Variants in WDFY4 observed in about 807,000 individuals in gnomAD.
WDFY4 encodes the protein WD repeat- and FYVE domain-containing protein 4.
In WDFY4, 169 loss-of-function variants were observed where a neutral mutation model predicts 351.9. The ratio of observed to expected loss-of-function variants is 0.48; its 90% confidence interval spans 0.42 to 0.55. The LOEUF (loss-of-function observed/expected upper bound fraction) is 0.55, where lower values mean the gene tolerates loss of function less well. Among genes scored for constraint, WDFY4 ranks in the 20% least tolerant of loss-of-function variants. The pLI is 0.00. For missense variants in WDFY4, 3,803 were observed against 3,935.6 expected, an observed-to-expected ratio of 0.97 and a Z score of 0.90; for synonymous variants, 1,622 against 1,574.6, an observed-to-expected ratio of 1.03 and a Z score of -0.71.
intron 1 of WDFY4, among the ~76,000 whole-genome samples, chr10:48,686,649 GT>G: frequency 6.6e-6 from 1 of 152,270 alleles, no homozygotes; most frequent in South Asian, 2.1e-4. Flanking sequence ...TCAAAAGTTT[GT>G]TTCTGAAATT....
intron 43 of WDFY4, among the ~76,000 whole-genome samples, chr10:48,881,204 G>T (rs1454399340): frequency 1.3e-5 from 2 of 152,206 alleles, no homozygotes; most frequent in Admixed American, 6.5e-5. Context: ...CATAGGATTT[G>T]TTCTCACTCT....
intron 5 of WDFY4, among the ~76,000 whole-genome samples, chr10:48,724,030 C>A (rs1236981293): frequency 1.3e-5 from 2 of 152,124 alleles, no homozygotes; most frequent in Non-Finnish European, 2.9e-5. Context: ...GCATCAAATG[C>A]AATTTCCTTC....
Position 48,709,799 on chromosome 10 carries a change from C to A in WDFY4, c.67C>A (p.Gln23Lys). 2 of 1,551,910 alleles carry A rather than the reference C, an allele frequency of 1.3e-6. No homozygotes were observed. Among genetic ancestry groups the A allele is most frequent in the Non-Finnish European group, 1.7e-6 (2 of 1,147,032 alleles). Residue 23 changes from glutamine (Q) to lysine (K), a missense_variant, in exon 2 of 62, where the codon CAG becomes AAG. Around this residue, in one of 3 missense-constraint regions of WDFY4, gnomAD observed 488 missense variants for 456.8 expected, o/e 1.07. Transcript: ENST00000325239. ...NEDPGSKNEG[Q>K]LAAVQPDVPH... ...AGACCCAGGTTCCAAAAATGAAGGG[C>A]AGCTTGCTGCTGTGCAGCCTGATGT...
chr10:48,788,273 C>T (rs950613920), intron 20 of WDFY4, among the ~76,000 whole-genome samples: 1 of 152,144 alleles, frequency 6.6e-6, no homozygotes, highest in African/African-American at 2.4e-5. Context: ...AAGTGATCTG[C>T]CTGTCTTGGC....
intron 47 of WDFY4, among the ~76,000 whole-genome samples, chr10:48,926,613 C>T (rs2133637562): frequency 6.6e-6 from 1 of 152,336 alleles, no homozygotes; most frequent in Middle Eastern, 3.4e-3. Flanking sequence ...CCATTGTCTG[C>T]TCACTCCACT....
chr10:48,901,817 C>A lies in WDFY4; in HGVS notation c.7540C>A (p.Pro2514Thr), dbSNP rs1837367091. The A allele has an allele frequency of 1.3e-6, 2 of 1,551,596 alleles. No homozygotes were observed. The highest frequency in any genetic ancestry group is 1.2e-5 in the South Asian group (1 of 84,050). Residue 2514 changes from proline (P) to threonine (T), a missense_variant, in exon 47 of 62, where the codon CCC becomes ACC. By Grantham distance (38) the Pro-to-Thr change is conservative. This residue lies in a region of WDFY4 where 3,054 missense variants were observed against 3,148.6 expected (regional missense o/e 0.97). Transcript: ENST00000325239. ...TTCATGTAGCTTCTGCTCTTTCCAA[C>A]CCAGCCTGAAGGGGAAAGCCACCTC... Reference protein sequence around the residue: ...KAFKSFCSFQPSLKGKATSED... With the variant: ...KAFKSFCSFQTSLKGKATSED...
At chr10:48,832,745 G>C (rs1027345175) in intron 39 of WDFY4, 36 bp downstream of exon 39, 1 of 1,492,220 alleles carries the variant, frequency 6.7e-7, no homozygotes, top group Non-Finnish European at 9.0e-7. Flanking sequence ...AAAAGTATCA[G>C]GCATTTGCTT....
chr10:48,754,313 T>C (rs1228638513), intron 12 of WDFY4, among the ~76,000 whole-genome samples: 1 of 151,680 alleles, frequency 6.6e-6, no homozygotes, highest in Non-Finnish European at 1.5e-5. Context: ...TCCTGGAATA[T>C]GCCAGACATA....
chr10:48,920,534 A>T (rs2133579064), intron 47 of WDFY4, among the ~76,000 whole-genome samples: 1 of 152,368 alleles, frequency 6.6e-6, no homozygotes, highest in South Asian at 2.1e-4. Flanking sequence ...AATTGAAAAA[A>T]AAGAAAAAAA....
intron 13 of WDFY4, among the ~76,000 whole-genome samples, chr10:48,772,343 C>G (rs563106956): frequency 1.3e-5 from 2 of 151,968 alleles, no homozygotes; most frequent in East Asian, 3.9e-4. Flanking sequence ...TGCACACAGG[C>G]ATGTATGGTG....
intron 23 of WDFY4, among the ~76,000 whole-genome samples, chr10:48,795,829 A>C (rs1167838140): frequency 1.3e-5 from 2 of 152,086 alleles, no homozygotes; most frequent in African/African-American, 4.8e-5. Context: ...CTGGGTCACC[A>C]AATGTATGCT....
chr10:48,862,542 G>T (rs2069380228), intron 39 of WDFY4, among the ~76,000 whole-genome samples: 1 of 152,096 alleles, frequency 6.6e-6, no homozygotes, highest in African/African-American at 2.4e-5. Context: ...CCTCAGATGG[G>T]ACCATATAGT....
intron 11 of WDFY4, among the ~76,000 whole-genome samples, chr10:48,740,231 G>A (rs2064809146): frequency 6.6e-6 from 1 of 152,210 alleles, no homozygotes; most frequent in Admixed American, 6.5e-5. Flanking sequence ...ACGTGACCAG[G>A]CATAGGTCAG....
intron 2 of WDFY4, among the ~76,000 whole-genome samples, chr10:48,719,528 C>A (rs1204240530): frequency 6.6e-6 from 1 of 152,214 alleles, no homozygotes; most frequent in Non-Finnish European, 1.5e-5. Context: ...CACTCTTTCA[C>A]TTGCAATCCC....
At chr10:48,913,472 G>A in intron 47 of WDFY4, 1 of 1,572,996 alleles carries the variant, frequency 6.4e-7, no homozygotes, top group Non-Finnish European at 8.6e-7. Flanking sequence ...GTGTCGTCGT[G>A]GCCATGTTCT....
chr10:48,979,515 T>C (rs1877799), intron 60 of WDFY4, among the ~76,000 whole-genome samples: 75,138 of 151,898 alleles, frequency 0.49, 18,853 homozygotes, highest in East Asian at 0.66. Flanking sequence ...GGTTGATGAA[T>C]GGATGTCTGA....
At chr10:48,761,338 G>C (rs549895738) in intron 13 of WDFY4, among the ~76,000 whole-genome samples, 1 of 152,188 alleles carries the variant, frequency 6.6e-6, no homozygotes, top group Non-Finnish European at 1.5e-5. Flanking sequence ...CAGATTTTGC[G>C]TGAAAAACAT....
chr10:48,859,898 A>T (rs1332002075), intron 39 of WDFY4, among the ~76,000 whole-genome samples: 1 of 152,262 alleles, frequency 6.6e-6, no homozygotes, highest in Admixed American at 6.5e-5. Context: ...AGGCTATGCC[A>T]ATGATCTATC....
chr10:48,742,895 G>C, intron 11 of WDFY4, 73 bp from the exon 12 acceptor site: 7 of 1,387,434 alleles, frequency 5.0e-6, no homozygotes, highest in Non-Finnish European at 6.7e-6. Flanking sequence ...GGACGCTCTG[G>C]CAGGAATGTG....
Sources: gnomAD v4.1 joint callset for allele counts (sites outside exome capture counted in the v4.1 genomes callset) on GRCh38, gnomAD v4.1.1 for gene constraint, gnomAD v4.1.1 regional missense constraint, MANE v1.5 for transcripts, NCBI Gene and HGNC (gene_info 2026-07-23, HGNC 2026-07-21) for gene names.